The following PRKCH variants were observed in gnomAD, a reference collection of about 807,000 sequenced individuals.
PRKCH encodes the protein protein kinase C eta type.
Under a neutral mutation model 82.5 loss-of-function variants are expected in PRKCH, and 28 were observed. That is an observed-to-expected ratio of 0.34 (90% CI 0.25 to 0.47). The LOEUF (loss-of-function observed/expected upper bound fraction) is 0.47, where lower values mean the gene tolerates loss of function less well. Among genes scored for constraint, PRKCH ranks in the 20% least tolerant of loss-of-function variants. PRKCH has a pLI of 1.00. For missense variants in PRKCH, 705 were observed against 881.8 expected (o/e 0.80, Z 2.54); for synonymous variants, 322 against 327.4 (o/e 0.98, Z 0.18).
At chr14:61,452,919 C>CGT in intron 6 of PRKCH, 1 of 355,374 alleles carries the variant, frequency 2.8e-6, no homozygotes, top group Non-Finnish European at 5.2e-6. Context: ...AATCTTAGAT[C>CGT]ATACTAAGGC....
At chr14:61,387,361 C>T (rs539113927) in intron 1 of PRKCH, among the ~76,000 whole-genome samples, 30 of 152,204 alleles carry the variant, frequency 2.0e-4, no homozygotes, top group Non-Finnish European at 4.1e-4. Flanking sequence ...CCAGATGAGC[C>T]ATTTGGACTA....
At chr14:61,449,033 G>T (rs2296273) in intron 4 of PRKCH, 131 bp from the exon 5 acceptor site, 3 of 741,562 alleles carry the variant, frequency 4.0e-6, no homozygotes, top group Non-Finnish European at 6.9e-6. Flanking sequence ...AAGGATGGGC[G>T]CACCAGCTGC....
intron 1 of PRKCH, chr14:61,277,233 T>C (rs2045212044): frequency 6.6e-6 from 1 of 152,176 alleles, no homozygotes; most frequent in Non-Finnish European, 1.5e-5. Context: ...AATTTTATAG[T>C]GAGCAAATTG....
chr14:61,302,690 T>TA (rs1189045227), intron 1 of PRKCH, among the ~76,000 whole-genome samples: 1 of 152,224 alleles, frequency 6.6e-6, no homozygotes, highest in Non-Finnish European at 1.5e-5. Context: ...AGTTTTAAGA[T>TA]ATCTTATTGT....
chr14:61,271,560 G>A (rs145060971), intron 1 of PRKCH, among the ~76,000 whole-genome samples: 5 of 152,238 alleles, frequency 3.3e-5, no homozygotes, highest in African/African-American at 4.8e-5. Context: ...CCTCTCAGTC[G>A]GCCAACCTGG....
intron 1 of PRKCH, chr14:61,299,749 T>C (rs1047776000): frequency 1.3e-5 from 2 of 152,192 alleles, no homozygotes; most frequent in South Asian, 4.1e-4. Flanking sequence ...AGACCTTTTT[T>C]TGAGACAAGC....
intron 10 of PRKCH, among the ~76,000 whole-genome samples, chr14:61,503,454 C>T (rs1887007684): frequency 6.6e-6 from 1 of 152,146 alleles, no homozygotes; most frequent in Admixed American, 6.5e-5. Context: ...CTGTTTCTGC[C>T]TATGCAAATA....
intron 12 of PRKCH, among the ~76,000 whole-genome samples, chr14:61,531,830 G>GA (rs1258509957): frequency 1.3e-5 from 2 of 152,098 alleles, no homozygotes; most frequent in Non-Finnish European, 2.9e-5. Flanking sequence ...TATATTAGTA[G>GA]AAATTTTAGA....
chr14:61,218,748 G>T (rs1435564298), intron 1 of PRKCH, among the ~76,000 whole-genome samples: 1 of 152,160 alleles, frequency 6.6e-6, no homozygotes, highest in East Asian at 1.9e-4. Flanking sequence ...CATTTGACAG[G>T]CTGAATTCTT....
chr14:61,515,239 T>G lies in PRKCH; in HGVS notation c.1434-13836T>G, dbSNP rs142393939. ...TGATTACGTTGTGAAGTACAGATAC[T>G]GTTTCACTTCCTGGGAATTTTGTGT... On this transcript the variant is annotated intron_variant, in intron 10 of 13. Coordinates refer to ENST00000332981, the MANE Select transcript of PRKCH (RefSeq NM_006255.5). Among the ~76,000 whole-genome samples the G allele has an allele frequency of 4.5e-3, 690 of 152,334 alleles. 11 individuals are homozygous for G. Among genetic ancestry groups the G allele is most frequent in the African/African-American group, 0.016 (662 of 41,546 alleles).
At chr14:61,467,145 A>G (rs1012301652) in intron 9 of PRKCH, among the ~76,000 whole-genome samples, 2 of 152,206 alleles carry the variant, frequency 1.3e-5, no homozygotes, top group African/African-American at 4.8e-5. Flanking sequence ...CCTGGAATTC[A>G]TCTTTCAGAA....
chr14:61,531,568 G>A (rs1413445807), intron 12 of PRKCH, among the ~76,000 whole-genome samples: 3 of 152,182 alleles, frequency 2.0e-5, no homozygotes, highest in African/African-American at 7.2e-5. Context: ...GTGGGTCACT[G>A]TGTACTGGGG....
At chr14:61,498,225 G>A (rs1886751218) in intron 10 of PRKCH, among the ~76,000 whole-genome samples, 2 of 152,070 alleles carry the variant, frequency 1.3e-5, no homozygotes, top group African/African-American at 2.4e-5. Flanking sequence ...TGTTGGCCAG[G>A]CTAGTCTCAA....
intron 9 of PRKCH, among the ~76,000 whole-genome samples, chr14:61,463,583 C>T (rs771007695): frequency 6.6e-6 from 1 of 152,070 alleles, no homozygotes; most frequent in Non-Finnish European, 1.5e-5. Context: ...AATTTGATAA[C>T]CTGTACTAAA....
chr14:61,213,725 C>T (rs1227280539), intron 1 of PRKCH, among the ~76,000 whole-genome samples: 1 of 152,192 alleles, frequency 6.6e-6, no homozygotes, highest in African/African-American at 2.4e-5. Context: ...TAAGAAGGGG[C>T]CCAGCAGCTG....
intron 1 of PRKCH, among the ~76,000 whole-genome samples, chr14:61,291,323 C>CTTTTTTT (rs533117559): frequency 7.2e-5 from 7 of 96,686 alleles, no homozygotes; most frequent in Non-Finnish European, 1.0e-4. Flanking sequence ...CCCTCTGGTT[C>CTTTTTTT]TTTTTTTTTT....
At chr14:61,425,042 G>A (rs1237026555) in intron 2 of PRKCH, among the ~76,000 whole-genome samples, 1 of 152,258 alleles carries the variant, frequency 6.6e-6, no homozygotes, top group African/African-American at 2.4e-5. Context: ...AGCCTCAGCT[G>A]AGATTTCAGA....
intron 1 of PRKCH, among the ~76,000 whole-genome samples, chr14:61,366,622 C>T (rs117594390): frequency 8.9e-4 from 136 of 152,004 alleles, no homozygotes; most frequent in Non-Finnish European, 1.8e-3. Flanking sequence ...AAATGGATGT[C>T]GGTCATTTCA....
intron 1 of PRKCH, among the ~76,000 whole-genome samples, chr14:61,323,015 C>A (rs1594911549): frequency 6.6e-6 from 1 of 152,138 alleles, no homozygotes; most frequent in Non-Finnish European, 1.5e-5. Context: ...TGGGTCTGCA[C>A]GTTGGCAGTT....
Sources: gnomAD v4.1 joint callset for allele counts (sites outside exome capture counted in the v4.1 genomes callset) on GRCh38, gnomAD v4.1.1 for gene constraint, MANE v1.5 for transcripts, NCBI Gene and HGNC (gene_info 2026-07-23, HGNC 2026-07-21) for gene names.